QDPR: variants seen among roughly 807,000 people sequenced by gnomAD.
QDPR encodes the protein quinoid dihydropteridine reductase.
Under a neutral mutation model 31.7 loss-of-function variants are expected in QDPR, and 23 were observed. That is an observed-to-expected ratio of 0.73 (90% CI 0.52 to 1.03). QDPR has a LOEUF of 1.03. Ranked by LOEUF, QDPR falls within the 50% of genes least tolerant of loss-of-function variation. The pLI is 0.00. For synonymous variants in QDPR, 124 were observed against 124.7 expected, an observed-to-expected ratio of 0.99 and a Z score of 0.03; for missense variants, 324 against 323.8, an observed-to-expected ratio of 1.00 and a Z score of 0.00.
At chr4:17,494,646 A>G (rs552034533) in intron 4 of QDPR, among the ~76,000 whole-genome samples, 4 of 152,314 alleles carry the variant, frequency 2.6e-5, no homozygotes, top group African/African-American at 9.6e-5. Flanking sequence ...TCCCCTTTGT[A>G]CAGTACTGAG....
chr4:17,507,338 T>C (rs1718823698), intron 2 of QDPR, among the ~76,000 whole-genome samples: 1 of 152,190 alleles, frequency 6.6e-6, no homozygotes, highest in Non-Finnish European at 1.5e-5. Context: ...AATAAGGCGC[T>C]TCACATAGTG....
chr4:17,500,132 T>C (rs1039913747), intron 4 of QDPR, among the ~76,000 whole-genome samples: 1 of 152,128 alleles, frequency 6.6e-6, no homozygotes, highest in African/African-American at 2.4e-5. Context: ...ATTTTTTGTA[T>C]TTTTAGTAGG....
intron 6 of QDPR, chr4:17,490,088 C>T (rs1718104273): frequency 1.1e-5 from 2 of 178,014 alleles, no homozygotes; most frequent in Admixed American, 1.1e-4. Flanking sequence ...CTCTCTGTCC[C>T]ATGAGCGTTC....
intron 6 of QDPR, among the ~76,000 whole-genome samples, chr4:17,489,864 A>G (rs1718095747): frequency 6.6e-6 from 1 of 152,202 alleles, no homozygotes. Context: ...CAGTCGTCAA[A>G]GCAGTTTACA....
chr4:17,501,686 C>A, intron 4 of QDPR, 33 bp downstream of exon 4: 1 of 1,612,110 alleles, frequency 6.2e-7, no homozygotes, highest in Non-Finnish European at 8.5e-7. Flanking sequence ...AGGTAAGCAA[C>A]CCCACTCCAC....
Position 17,492,277 on chromosome 4 carries a change from T to C in QDPR, c.500A>G (p.Lys167Arg), listed in dbSNP as rs762513931. The part of the protein sequence containing the change: ...VHQLCQSLAG[K>R]NSGMPPGAAA... ...TGCCCCGGGCGGCATGCCGCTGTTC[T>C]TCCCAGCCAGGCTCTGGCAGAGCTG... The change falls in exon 5 of 7, where the codon AAG (lysine) becomes AGG (arginine). Residue 167 changes from lysine to arginine, a missense_variant. Physicochemically the swap from Lys to Arg is conservative, Grantham distance 26 (BLOSUM62 2). Transcript: ENST00000281243. 1.8e-5 allele frequency: 29 copies of C among 1,614,068 alleles called. No individual in the cohort carries two copies. In the South Asian group the frequency reaches 3.2e-4, roughly 18 times the overall value.
intron 2 of QDPR, among the ~76,000 whole-genome samples, chr4:17,506,536 T>C (rs1207678437): frequency 1.3e-5 from 2 of 152,328 alleles, no homozygotes; most frequent in South Asian, 4.1e-4. Flanking sequence ...CATGTCCAAA[T>C]AGTGGCTATG....
At chr4:17,487,648 T>TAATA (rs759744284) in intron 6 of QDPR, among the ~76,000 whole-genome samples, 10 of 150,270 alleles carry the variant, frequency 6.7e-5, no homozygotes, top group East Asian at 3.9e-4. Flanking sequence ...TCACAAAAAA[T>TAATA]AATAAATAAA....
At chr4:17,507,468 C>G (rs928356402) in intron 2 of QDPR, among the ~76,000 whole-genome samples, 3 of 152,162 alleles carry the variant, frequency 2.0e-5, no homozygotes, top group African/African-American at 7.2e-5. Context: ...GCAGAAGGAT[C>G]CTTTGAGCCC....
chr4:17,492,785 A>T (rs1277306149), intron 4 of QDPR, among the ~76,000 whole-genome samples: 1 of 152,168 alleles, frequency 6.6e-6, no homozygotes, highest in Non-Finnish European at 1.5e-5. Context: ...GGAAACCAAG[A>T]CTCAAGACAG....
At chr4:17,505,793 G>A (rs778956478) in intron 2 of QDPR, among the ~76,000 whole-genome samples, 2 of 152,190 alleles carry the variant, frequency 1.3e-5, no homozygotes, top group Non-Finnish European at 2.9e-5. Flanking sequence ...AAAACTGAAT[G>A]TTATGCTGTT....
chr4:17,505,489 C>T (rs1316114321), intron 2 of QDPR, among the ~76,000 whole-genome samples: 4 of 152,140 alleles, frequency 2.6e-5, no homozygotes, highest in Admixed American at 6.5e-5. Flanking sequence ...TCAGGTGATT[C>T]GCCTGCCTCG....
chr4:17,509,456 G>A lies in QDPR; in HGVS notation c.106-93C>T, dbSNP rs566598495. On this transcript the variant is annotated intron_variant, in intron 1 of 6. Transcript: ENST00000281243. The stretch of plus-strand genomic sequence containing the variant: ...AAATGAGGGGAGTTGGCCAGGTGTA[G>A]TGGTTCACGTCTGTAATGCCAGCAC... 3.4e-5 allele frequency: 38 copies of A among 1,115,828 alleles called. No homozygotes were observed. The South Asian group carries it at 4.3e-4, about 13-fold the overall frequency. 69.1% of individuals were successfully genotyped at this position (1,115,828 alleles called of 1,614,324 possible).
chr4:17,496,936 TA>T (rs1449221306), intron 4 of QDPR, among the ~76,000 whole-genome samples: 1 of 152,256 alleles, frequency 6.6e-6, no homozygotes, highest in East Asian at 1.9e-4. Context: ...TTGTATTTTT[TA>T]GTAGAGATGG....
chr4:17,501,619 G>A (rs1349819428), intron 4 of QDPR, 100 bp downstream of exon 4: 3 of 1,383,390 alleles, frequency 2.2e-6, no homozygotes, highest in South Asian at 2.4e-5. Flanking sequence ...GCAGCTTAGA[G>A]GGTAAAGGCT....
At chr4:17,508,570 T>A (rs961944808) in intron 2 of QDPR, among the ~76,000 whole-genome samples, 41 of 149,640 alleles carry the variant, frequency 2.7e-4, no homozygotes, top group Admixed American at 1.3e-3. Flanking sequence ...GGCCATTCCA[T>A]AAAATGGAAT....
Position 17,492,442 on chromosome 4 carries a change from A to C in QDPR, c.437-102T>G, listed in dbSNP as rs1355761897. On this transcript the variant is annotated intron_variant, in intron 4 of 6. Transcript: ENST00000281243. Reference sequence around the variant, plus strand: ...GATCTCTATTCCCTAAAAACTTTATAAATAGCTGCATCTGGCCTCCTCCTT... The same window carrying C: ...GATCTCTATTCCCTAAAAACTTTATCAATAGCTGCATCTGGCCTCCTCCTT... 8 of 923,956 alleles carry C rather than the reference A, an allele frequency of 8.7e-6. No individual in the cohort carries two copies. In the Admixed American group the frequency reaches 1.6e-4, roughly 18 times the overall value. The allele number at this position is 923,956 out of a possible 1,614,324, so 57.2% of individuals were successfully genotyped here.
intron 4 of QDPR, among the ~76,000 whole-genome samples, chr4:17,493,078 G>A (rs1020071795): frequency 6.6e-6 from 1 of 152,192 alleles, no homozygotes; most frequent in Non-Finnish European, 1.5e-5. Context: ...TCTGTAAAAT[G>A]GGTTTGAGGT....
At chr4:17,509,841 C>T (rs2108997684) in intron 1 of QDPR, 1 of 413,742 alleles carries the variant, frequency 2.4e-6, no homozygotes, top group South Asian at 1.8e-5. Context: ...ACACTCTACT[C>T]CGCCTCCACA....
Sources: gnomAD v4.1 joint callset for allele counts (sites outside exome capture counted in the v4.1 genomes callset) on GRCh38, gnomAD v4.1.1 for gene constraint, MANE v1.5 for transcripts, NCBI Gene and HGNC (gene_info 2026-07-23, HGNC 2026-07-21) for gene names.